Variants in RBFOX1 observed in about 807,000 individuals in gnomAD.
RBFOX1 encodes the protein RNA binding fox-1 homolog 1.
RBFOX1 carries 8 observed loss-of-function variants against 57.7 expected under a neutral mutation model. The observed-to-expected ratio is 0.14, with a 90% CI of 0.08 to 0.25. The LOEUF (loss-of-function observed/expected upper bound fraction) is 0.25. Among genes scored for constraint, RBFOX1 ranks in the 10% least tolerant of loss-of-function variants. The pLI is 1.00. For missense variants in RBFOX1, 611 were observed against 548.5 expected (o/e 1.11, Z -1.14); for synonymous variants, 326 against 222.4 (o/e 1.47, Z -4.15).
intron 1 of RBFOX1, among the ~76,000 whole-genome samples, chr16:5,375,085 CAAAAAAAAAAAAAAAA>C (rs576765968): frequency 1.6e-4 from 6 of 37,080 alleles, no homozygotes; most frequent in Non-Finnish European, 2.8e-4. Flanking sequence ...TTTAAATGGC[CAAAAAAAAAAAAAAAA>C]AAAAAAAAAA....
At chr16:6,444,977 G>C (rs1400994114) in intron 2 of RBFOX1, among the ~76,000 whole-genome samples, 4 of 152,114 alleles carry the variant, frequency 2.6e-5, no homozygotes, top group Non-Finnish European at 4.4e-5. Flanking sequence ...ACTGATGGAG[G>C]GGAGGGTGGC....
At chr16:5,479,631 C>T (rs539424737) in intron 2 of RBFOX1, among the ~76,000 whole-genome samples, 10 of 95,248 alleles carry the variant, frequency 1.0e-4, no homozygotes, top group East Asian at 3.9e-4. Context: ...TGGTGGTGCA[C>T]GCCTGTCATC....
At chr16:5,999,908 GAGT>G (rs2060565378) in intron 4 of RBFOX1, among the ~76,000 whole-genome samples, 1 of 32,990 alleles carries the variant, frequency 3.0e-5, no homozygotes, top group Non-Finnish European at 6.9e-5. Context: ...AAAAAAAAAA[GAGT>G]GAAGAAGGGA....
At position 6,830,662 on chromosome 16, in the gene RBFOX1, C is replaced by G. The variant is rs375071003; in HGVS notation, c.-16+176012C>G. Reference sequence around the variant, plus strand: ...ATATAGAACAGCTCTTACACAAAGACTTCCCCAAGCCAAAATAGCAACAGT... The same window carrying G: ...ATATAGAACAGCTCTTACACAAAGAGTTCCCCAAGCCAAAATAGCAACAGT... On this transcript the variant is annotated intron_variant, in intron 3 of 15. Transcript: ENST00000550418. 2.6e-5 allele frequency among the ~76,000 whole-genome samples: 4 copies of G among 152,280 alleles called. No homozygotes were observed. The South Asian group carries it at 8.3e-4, about 32-fold the overall frequency.
intron 4 of RBFOX1, among the ~76,000 whole-genome samples, chr16:6,001,552 G>A (rs951334544): frequency 6.6e-6 from 1 of 152,048 alleles, no homozygotes; most frequent in Non-Finnish European, 1.5e-5. Context: ...ATGTTTTCCC[G>A]AGATAAGTGC....
At chr16:6,580,184 C>T (rs969249299) in intron 2 of RBFOX1, among the ~76,000 whole-genome samples, 5 of 152,150 alleles carry the variant, frequency 3.3e-5, no homozygotes, top group Non-Finnish European at 7.3e-5. Flanking sequence ...GTCTCGAACT[C>T]CTGACCTCAT....
intron 1 of RBFOX1, among the ~76,000 whole-genome samples, chr16:5,456,019 T>C (rs913226818): frequency 9.2e-5 from 14 of 151,376 alleles, no homozygotes; most frequent in Non-Finnish European, 1.6e-4. Flanking sequence ...GAAAGTAATA[T>C]GTGTGCAATG....
intron 4 of RBFOX1, among the ~76,000 whole-genome samples, chr16:7,476,613 G>A (rs536856159): frequency 1.3e-5 from 2 of 152,282 alleles, no homozygotes; most frequent in East Asian, 1.9e-4. Context: ...GAAGTCTTCG[G>A]CATCTCCAAG....
At chr16:6,546,400 A>G (rs1207283720) in intron 2 of RBFOX1, among the ~76,000 whole-genome samples, 3 of 152,224 alleles carry the variant, frequency 2.0e-5, no homozygotes, top group Admixed American at 2.0e-4. Flanking sequence ...TTCTGGGCCA[A>G]GGAGCCCAAA....
chr16:5,688,409 C>G (rs1284988206), intron 3 of RBFOX1, among the ~76,000 whole-genome samples: 1 of 152,232 alleles, frequency 6.6e-6, no homozygotes, highest in East Asian at 1.9e-4. Flanking sequence ...TAATTTATGT[C>G]TGTACAAAGC....
intron 3 of RBFOX1, among the ~76,000 whole-genome samples, chr16:6,852,356 A>G (rs2094118062): frequency 6.6e-6 from 1 of 152,104 alleles, no homozygotes; most frequent in African/African-American, 2.4e-5. Flanking sequence ...ATCCAGGTTG[A>G]TCACCCATTT....
At chr16:5,882,405 A>C (rs2057785309) in intron 4 of RBFOX1, among the ~76,000 whole-genome samples, 1 of 152,200 alleles carries the variant, frequency 6.6e-6, no homozygotes, top group Non-Finnish European at 1.5e-5. Flanking sequence ...AAAGTCATAC[A>C]TTACTTTTGC....
chr16:6,762,077 G>C (rs1400344238), intron 3 of RBFOX1, among the ~76,000 whole-genome samples: 1 of 152,138 alleles, frequency 6.6e-6, no homozygotes, highest in Admixed American at 6.5e-5. Context: ...ATCTCCACAT[G>C]TGGTTCTATC....
intron 3 of RBFOX1, among the ~76,000 whole-genome samples, chr16:6,829,880 G>T (rs1041619039): frequency 2.6e-5 from 4 of 152,064 alleles, no homozygotes; most frequent in African/African-American, 9.7e-5. Context: ...GGGATTACAG[G>T]TGTAAACCAC....
chr16:5,705,828 G>A (rs1053826411), intron 3 of RBFOX1, among the ~76,000 whole-genome samples: 9 of 152,352 alleles, frequency 5.9e-5, no homozygotes, highest in Admixed American at 1.3e-4. Flanking sequence ...TATCATATCC[G>A]TAGTGGCTAG....
chr16:6,483,794 C>T lies in RBFOX1; in HGVS notation c.-64+166737C>T. ...TCCAACGTTAGCGCAGACACGGTGG[C>T]GGCGTGTGCGCCTCCGGGGCTGCTG... On this transcript the variant is annotated intron_variant, in intron 2 of 15. Coordinates refer to ENST00000550418, the MANE Select transcript of RBFOX1 (RefSeq NM_018723.4). 2.2e-6 allele frequency: 3 copies of T among 1,379,572 alleles called. No individual in the cohort carries two copies. In the South Asian group the frequency reaches 5.0e-5, roughly 23 times the overall value. The allele number at this position is 1,379,572 out of a possible 1,614,324, so 85.5% of individuals were successfully genotyped here.
intron 4 of RBFOX1, among the ~76,000 whole-genome samples, chr16:7,299,338 G>A (rs1021545690): frequency 2.6e-5 from 4 of 152,328 alleles, no homozygotes; most frequent in Middle Eastern, 3.4e-3. Flanking sequence ...TAGTGGGAGC[G>A]AGTTGTGAAC....
At chr16:7,154,419 A>T (rs995946053) in intron 4 of RBFOX1, among the ~76,000 whole-genome samples, 1 of 152,244 alleles carries the variant, frequency 6.6e-6, no homozygotes, top group Non-Finnish European at 1.5e-5. Flanking sequence ...TTTGAAAGAT[A>T]TGGTCCCATC....
chr16:5,397,560 A>G lies in RBFOX1; in HGVS notation c.220-69656A>G, dbSNP rs2066595919. 2.6e-5 allele frequency among the ~76,000 whole-genome samples: 4 copies of G among 152,198 alleles called. No individual in the cohort carries two copies. In the South Asian group the frequency reaches 8.3e-4, roughly 32 times the overall value. ...GCCCTGCTAAAGACACTGATTAAAG[A>G]TTGAAAAGTCATTTCTGAGAAATAA... On this transcript the variant is annotated intron_variant, in intron 1 of 2. Transcript: ENST00000585867.
Sources: allele counts gnomAD v4.1 joint callset (sites outside exome capture counted in the v4.1 genomes callset), GRCh38; gene constraint gnomAD v4.1.1; transcripts MANE v1.5; gene names NCBI Gene and HGNC (gene_info 2026-07-23, HGNC 2026-07-21).